Variants in ASCC3 observed in about 807,000 individuals in gnomAD.
ASCC3 encodes activating signal cointegrator 1 complex subunit 3, also known as ASC-1 complex subunit P200.
In ASCC3, 158 loss-of-function variants were observed where a neutral mutation model predicts 256.3. The observed-to-expected ratio is 0.62, with a 90% CI of 0.54 to 0.70. ASCC3 has a LOEUF of 0.70. Among genes scored for constraint, ASCC3 ranks in the 30% least tolerant of loss-of-function variants. The probability of loss-of-function intolerance (pLI) is 0.00; values close to 1 mark genes in which losing one functional copy is unlikely to be tolerated. For missense variants in ASCC3, 2,259 were observed against 2,626.0 expected, an observed-to-expected ratio of 0.86 and a Z score of 3.05; for synonymous variants, 948 against 883.4, an observed-to-expected ratio of 1.07 and a Z score of -1.30.
chr6:100,702,788 T>G (rs374924930), intron 13 of ASCC3, among the ~76,000 whole-genome samples: 42 of 152,328 alleles, frequency 2.8e-4, no homozygotes, highest in Middle Eastern at 3.4e-3. Context: ...GATTATTTTA[T>G]TCACAATTGT....
At chr6:100,690,501 T>C (rs751211702) in intron 13 of ASCC3, among the ~76,000 whole-genome samples, 1 of 152,146 alleles carries the variant, frequency 6.6e-6, no homozygotes, top group Non-Finnish European at 1.5e-5. Flanking sequence ...GGGCTAAAAA[T>C]GATAAATGTT....
At chr6:100,518,752 G>T (rs1774159430) in intron 37 of ASCC3, among the ~76,000 whole-genome samples, 1 of 152,100 alleles carries the variant, frequency 6.6e-6, no homozygotes, top group Non-Finnish European at 1.5e-5. Flanking sequence ...ACAAAAGGCT[G>T]CATTTGCTTA....
At chr6:100,697,172 T>A (rs1212946038) in intron 13 of ASCC3, among the ~76,000 whole-genome samples, 1 of 151,982 alleles carries the variant, frequency 6.6e-6, no homozygotes, top group Non-Finnish European at 1.5e-5. Flanking sequence ...AATAGTAATA[T>A]CTGCTTTTAT....
At chr6:100,646,576 T>A (rs1775389067) in intron 22 of ASCC3, 39 bp downstream of exon 22, 1 of 1,608,930 alleles carries the variant, frequency 6.2e-7, no homozygotes, top group South Asian at 1.1e-5. Context: ...AGTACAGATA[T>A]TTTTGTTTAA....
At position 100,799,488 on chromosome 6, in the gene ASCC3, A is replaced by T; in HGVS notation, c.1212T>A (p.His404Gln). ...DADVEKIHYP[H>Q]VYDSQAEAMK... is the part of the protein sequence containing the mutation. ...TGGCTTCAGCCTGGGAATCATACAC[A>T]TGGGGATAATGTATTTTTTCAACGT... is the stretch of plus-strand genomic sequence containing the variant. Residue 404 changes from histidine (H) to glutamine (Q), a missense_variant, in exon 7 of 42, where the codon CAT becomes CAA. Physicochemically the swap from His to Gln is conservative, Grantham distance 24. This residue lies in a region of ASCC3 where 1,839 missense variants were observed against 2,206.7 expected (regional missense o/e 0.83). Transcript: ENST00000369162. 1 of 1,613,198 alleles carries T rather than the reference A, an allele frequency of 6.2e-7. No homozygotes were observed.
rs117603950 is a variant in ASCC3 at position 100,595,420 on chromosome 6, G to C, written c.5304-5361C>G. Among the ~76,000 whole-genome samples the C allele has an allele frequency of 4.0e-3, 602 of 152,214 alleles. 3 individuals are homozygous for C. Among genetic ancestry groups the C allele is most frequent in the Middle Eastern group, 0.017 (5 of 294 alleles). ...AAAAGAGTCAATTAAAAAAGAAGGTGGCAGAGCTTGACTATAGCTAAGTAA... is the reference window on the plus strand; with the variant it reads ...AAAAGAGTCAATTAAAAAAGAAGGTCGCAGAGCTTGACTATAGCTAAGTAA... On this transcript the variant is annotated intron_variant, in intron 34 of 41. Coordinates refer to ENST00000369162, the MANE Select transcript of ASCC3 (RefSeq NM_006828.4).
At chr6:100,755,924 T>G (rs932187783) in intron 10 of ASCC3, among the ~76,000 whole-genome samples, 2 of 152,146 alleles carry the variant, frequency 1.3e-5, no homozygotes, top group Non-Finnish European at 2.9e-5. Context: ...ACAAACCTTT[T>G]TTGTAAAAAA....
chr6:100,707,084 C>A, intron 13 of ASCC3, among the ~76,000 whole-genome samples: 1 of 152,028 alleles, frequency 6.6e-6, no homozygotes, highest in Non-Finnish European at 1.5e-5. Context: ...ACTTTGAAGA[C>A]AAGACAATGC....
intron 36 of ASCC3, among the ~76,000 whole-genome samples, chr6:100,550,840 T>C (rs1034028403): frequency 6.6e-6 from 1 of 151,962 alleles, no homozygotes; most frequent in African/African-American, 2.4e-5. Flanking sequence ...CTGCCAGTAG[T>C]ATCAGTATCA....
intron 37 of ASCC3, among the ~76,000 whole-genome samples, chr6:100,527,417 T>C (rs1774631520): frequency 6.6e-6 from 1 of 152,218 alleles, no homozygotes; most frequent in South Asian, 2.1e-4. Flanking sequence ...CGTACAGGTA[T>C]TGCATTAAGG....
chr6:100,576,046 C>A (rs2114734328), intron 36 of ASCC3, among the ~76,000 whole-genome samples: 1 of 152,126 alleles, frequency 6.6e-6, no homozygotes, highest in South Asian at 2.1e-4. Context: ...TCTAATTAGA[C>A]TACTTACTCC....
intron 25 of ASCC3, among the ~76,000 whole-genome samples, chr6:100,633,630 C>T (rs1043730785): frequency 2.0e-5 from 3 of 151,362 alleles, no homozygotes; most frequent in Admixed American, 6.6e-5. Flanking sequence ...CTTTGGGAGG[C>T]GAAGGTGGGC....
At position 100,800,313 on chromosome 6, in the gene ASCC3, A is replaced by G. The variant is rs184012038; in HGVS notation, c.1114T>C (p.Leu372=). The G allele has an allele frequency of 1.6e-5, 25 of 1,612,768 alleles. No individual in the cohort carries two copies. In the Admixed American group the frequency reaches 2.7e-4, roughly 17 times the overall value. Residue 372 remains leucine (L), a synonymous_variant, in exon 6 of 42, where the codon TTG becomes CTG. Coordinates refer to ENST00000369162, the MANE Select transcript of ASCC3 (RefSeq NM_006828.4). ...EGLMCFDPKE[L]RIQREQALLN... The stretch of plus-strand genomic sequence containing the variant: ...GGCTTTTATTACCTTTGTATCCGCA[A>G]TTCCTTAGGATCAAAGCACATAAGT...
chr6:100,667,188 G>A lies in ASCC3; in HGVS notation c.2287-4652C>T, dbSNP rs74780517. On this transcript the variant is annotated intron_variant, in intron 14 of 41. Transcript: ENST00000369162. ...ACACATTCCCTGAATGAATGAATCA[G>A]TGATCTGATAGTTTGATCAAAGAAG... is the stretch of plus-strand genomic sequence containing the variant. 1.4e-3 allele frequency among the ~76,000 whole-genome samples: 211 copies of A among 152,306 alleles called. 4 individuals are homozygous for A. The East Asian group carries it at 0.033, about 24-fold the overall frequency.
chr6:100,870,441 G>A (rs889012293), intron 1 of ASCC3, among the ~76,000 whole-genome samples: 1 of 151,864 alleles, frequency 6.6e-6, no homozygotes, highest in Non-Finnish European at 1.5e-5. Context: ...TGACACTTTA[G>A]AAGTGTAAAA....
intron 1 of ASCC3, among the ~76,000 whole-genome samples, chr6:100,879,521 T>C (rs1046831111): frequency 1.3e-5 from 2 of 152,034 alleles, no homozygotes; most frequent in Non-Finnish European, 2.9e-5. Flanking sequence ...AAAGGCAAAA[T>C]GGGGCCCGTA....
chr6:100,831,023 T>G (rs1360392856), intron 4 of ASCC3, among the ~76,000 whole-genome samples: 2 of 152,164 alleles, frequency 1.3e-5, no homozygotes, highest in Non-Finnish European at 2.9e-5. Context: ...CAAACTAGTT[T>G]TCAATTTTAA....
At position 100,799,506 on chromosome 6, in the gene ASCC3, T is replaced by C. The variant is rs1562305022; in HGVS notation, c.1194A>G (p.Glu398=). 1 of 1,613,186 alleles carries C rather than the reference T, an allele frequency of 6.2e-7. No homozygotes were observed. Among genetic ancestry groups the C allele is most frequent in the Non-Finnish European group, 8.5e-7 (1 of 1,179,508 alleles). The change falls in exon 7 of 42, where the codon GAA becomes GAG. Residue 398 remains glutamate (E), a synonymous_variant. Transcript: ENST00000369162. ...ILSRQRDADV[E]KIHYPHVYDS... is the part of the protein sequence containing the mutation. ...CATACACATGGGGATAATGTATTTTTTCAACGTCTGCATCTCTCTGCCTGC... is the reference window on the plus strand; with the variant it reads ...CATACACATGGGGATAATGTATTTTCTCAACGTCTGCATCTCTCTGCCTGC...
At chr6:100,878,619 G>A (rs1483120728) in intron 1 of ASCC3, among the ~76,000 whole-genome samples, 2 of 152,094 alleles carry the variant, frequency 1.3e-5, no homozygotes, top group African/African-American at 2.4e-5. Flanking sequence ...CTCTTCCCAC[G>A]AAAGTCCAGT....
Sources: gnomAD v4.1 joint callset for allele counts (sites outside exome capture counted in the v4.1 genomes callset) on GRCh38, gnomAD v4.1.1 for gene constraint, gnomAD v4.1.1 regional missense constraint, MANE v1.5 for transcripts, NCBI Gene and HGNC (gene_info 2026-07-23, HGNC 2026-07-21) for gene names.